The following ARPP21 variants were observed in gnomAD, a reference collection of about 807,000 sequenced individuals.
ARPP21 encodes the protein cAMP regulated phosphoprotein 21.
In ARPP21, 69 loss-of-function variants were observed where a neutral mutation model predicts 113.2. The ratio of observed to expected loss-of-function variants is 0.61; its 90% confidence interval spans 0.50 to 0.74. The LOEUF is 0.74. Ranked by LOEUF, ARPP21 falls within the 30% of genes least tolerant of loss-of-function variation. The pLI, the probability that ARPP21 is intolerant of heterozygous loss-of-function variation, is 0.00. For missense variants in ARPP21, 1,070 were observed against 1,037.4 expected (o/e 1.03, Z -0.43); for synonymous variants, 368 against 375.5 (o/e 0.98, Z 0.23).
chr3:35,690,799 T>G (rs1005281377), intron 8 of ARPP21, 66 bp from the exon 9 acceptor site: 2 of 1,448,414 alleles, frequency 1.4e-6, no homozygotes, highest in Non-Finnish European at 1.9e-6. Context: ...TGTGTATACT[T>G]GTAAAAAGGT....
chr3:35,728,950 C>T (rs2093750924), intron 14 of ARPP21, among the ~76,000 whole-genome samples: 1 of 152,092 alleles, frequency 6.6e-6, no homozygotes, highest in African/African-American at 2.4e-5. Flanking sequence ...TAAGACATTT[C>T]CATGGTACTA....
intron 9 of ARPP21, among the ~76,000 whole-genome samples, chr3:35,697,208 T>G (rs965725765): frequency 6.6e-6 from 1 of 151,606 alleles, no homozygotes; most frequent in South Asian, 2.1e-4. Context: ...CCACTGTCAT[T>G]GCCTCAAATC....
intron 8 of ARPP21, 48 bp from the exon 9 acceptor site, chr3:35,690,817 G>A: frequency 6.4e-7 from 1 of 1,556,638 alleles, no homozygotes. Context: ...GGTATTATGG[G>A]CAAAAAATGA....
chr3:35,682,778 C>G, intron 3 of ARPP21, 70 bp from the exon 4 acceptor site: 1 of 1,377,348 alleles, frequency 7.3e-7, no homozygotes, highest in Non-Finnish European at 1.0e-6. Context: ...CTCTCTCTCT[C>G]GGTTGTTGAT....
At chr3:35,644,279 T>C (rs1699323113) in intron 1 of ARPP21, among the ~76,000 whole-genome samples, 1 of 151,962 alleles carries the variant, frequency 6.6e-6, no homozygotes, top group African/African-American at 2.4e-5. Flanking sequence ...AGTCTTATAA[T>C]TTAATTAATT....
intron 1 of ARPP21, among the ~76,000 whole-genome samples, chr3:35,670,247 C>T (rs1484823462): frequency 6.6e-6 from 1 of 152,068 alleles, no homozygotes; most frequent in Non-Finnish European, 1.5e-5. Context: ...GTCTTATTGT[C>T]AGGTTTGTGC....
chr3:35,655,631 T>C (rs890392080), intron 1 of ARPP21, among the ~76,000 whole-genome samples: 3 of 152,024 alleles, frequency 2.0e-5, no homozygotes, highest in Non-Finnish European at 2.9e-5. Context: ...TAAATGCCAA[T>C]TGGTGATTCA....
At chr3:35,772,302 A>C in intron 19 of ARPP21, among the ~76,000 whole-genome samples, 1 of 152,226 alleles carries the variant, frequency 6.6e-6, no homozygotes, top group East Asian at 1.9e-4. Context: ...TATTTACCAA[A>C]TTGTCCTAAT....
intron 20 of ARPP21, 119 bp downstream of exon 20, chr3:35,792,649 G>A: frequency 2.5e-6 from 2 of 794,836 alleles, no homozygotes; most frequent in Non-Finnish European, 4.2e-6. Flanking sequence ...GTCCATAACT[G>A]TTGATAATTT....
At position 35,737,290 on chromosome 3, in the gene ARPP21, G is replaced by A; in HGVS notation, c.1572G>A (p.Gln524=). 6.2e-7 allele frequency: 1 copy of A among 1,613,100 alleles called. No individual in the cohort carries two copies. The highest frequency in any genetic ancestry group is 8.5e-7 in the Non-Finnish European group (1 of 1,179,334). ...VGQSQQQPPQ[Q]QPSPQPQQQV... ...AGTCCCAACAGCAGCCACCACAGCA[G>A]CAGCCCTCCCCGCAGCCCCAACAGC... The change falls in exon 16 of 21, where the codon CAG becomes CAA. Residue 524 remains glutamine (Q), a synonymous_variant. Coordinates refer to ENST00000684406, the MANE Select transcript of ARPP21 (RefSeq NM_001385562.1).
chr3:35,642,323 C>G (rs1043329631), intron 1 of ARPP21: 1 of 152,010 alleles, frequency 6.6e-6, no homozygotes, highest in Non-Finnish European at 1.5e-5. Context: ...AATGAAGGAG[C>G]GAGCGCCTCA....
chr3:35,779,543 A>G (rs1203760681), intron 19 of ARPP21, among the ~76,000 whole-genome samples: 1 of 151,768 alleles, frequency 6.6e-6, no homozygotes, highest in Non-Finnish European at 1.5e-5. Context: ...CACCACATCC[A>G]TTGTGCATAC....
chr3:35,744,077 C>A, intron 19 of ARPP21, 112 bp downstream of exon 19: 1 of 1,149,018 alleles, frequency 8.7e-7, no homozygotes, highest in Non-Finnish European at 1.3e-6. Flanking sequence ...CACATTTTCT[C>A]TACCCAGAGA....
chr3:35,771,661 A>C (rs1415863032), intron 19 of ARPP21, among the ~76,000 whole-genome samples: 18 of 152,142 alleles, frequency 1.2e-4, no homozygotes, highest in Admixed American at 1.2e-3. Context: ...ATCAACATTT[A>C]TTCAACAATA....
chr3:35,690,053 C>T, intron 7 of ARPP21, 28 bp from the exon 8 acceptor site: 1 of 973,370 alleles, frequency 1.0e-6, no homozygotes, highest in South Asian at 1.3e-5. Flanking sequence ...ATACATAAAA[C>T]CTTTTAAATT....
At chr3:35,723,997 CTAATT>C (rs2093338474) in intron 14 of ARPP21, among the ~76,000 whole-genome samples, 1 of 152,118 alleles carries the variant, frequency 6.6e-6, no homozygotes, top group Non-Finnish European at 1.5e-5. Context: ...AGTTTTTTAC[CTAATT>C]GTTCACAGTG....
intron 15 of ARPP21, among the ~76,000 whole-genome samples, chr3:35,731,139 G>A (rs1005773888): frequency 6.6e-6 from 1 of 152,076 alleles, no homozygotes; most frequent in Admixed American, 6.6e-5. Context: ...TGTTTTGAGT[G>A]GTTTGTTTTA....
In ARPP21 at chr3:35,793,834, C is replaced by G; in HGVS notation, c.2420C>G (p.Thr807Ser). 6.2e-7 allele frequency: 1 copy of G among 1,614,222 alleles called. No individual in the cohort carries two copies. Residue 807 changes from threonine (T) to serine (S), a missense_variant, in exon 21 of 21, where the codon ACC becomes AGC. Physicochemically the swap from Thr to Ser is moderately conservative, Grantham distance 58. Transcript: ENST00000684406. Reference sequence around the variant, plus strand: ...GTTTACTGTAATGTCACACCGCCCACCCCTCAGAACAACCTTAGGCTGATT... The same window carrying G: ...GTTTACTGTAATGTCACACCGCCCAGCCCTCAGAACAACCTTAGGCTGATT... ...MPVYCNVTPP[T>S]PQNNLRLIGP...
chr3:35,699,199 C>T lies in ARPP21; in HGVS notation c.687-7775C>T, dbSNP rs147509876. Among the ~76,000 whole-genome samples the T allele has an allele frequency of 2.8e-4, 42 of 151,626 alleles. No homozygotes were observed. In the East Asian group the frequency reaches 7.8e-3, roughly 28 times the overall value. On this transcript the variant is annotated intron_variant, in intron 9 of 20. Coordinates refer to ENST00000684406, the MANE Select transcript of ARPP21 (RefSeq NM_001385562.1). ...AAGTTAAAAGTTCATCATACATATA[C>T]CTACTAGAGATAGTATTGTCCTAAA... is the stretch of plus-strand genomic sequence containing the variant.
Sources: gnomAD v4.1 joint callset for allele counts (sites outside exome capture counted in the v4.1 genomes callset) on GRCh38, gnomAD v4.1.1 for gene constraint, MANE v1.5 for transcripts, NCBI Gene and HGNC (gene_info 2026-07-23, HGNC 2026-07-21) for gene names.